Variants in ADAM9 observed in about 807,000 individuals in gnomAD.
The protein encoded by ADAM9 is ADAM metallopeptidase domain 9, also known as disintegrin and metalloproteinase domain-containing protein 9.
Under a neutral mutation model 108.1 loss-of-function variants are expected in ADAM9, and 54 were observed. That is an observed-to-expected ratio of 0.50 (90% CI 0.40 to 0.63). ADAM9 has a LOEUF of 0.63. Ranked by LOEUF, ADAM9 falls within the 20% of genes least tolerant of loss-of-function variation. ADAM9 has a pLI of 0.00. For synonymous variants in ADAM9, 316 were observed against 336.0 expected (o/e 0.94, Z 0.65); for missense variants, 830 against 997.7 (o/e 0.83, Z 2.26).
chr8:39,099,362 C>T (rs528375718), intron 20 of ADAM9, among the ~76,000 whole-genome samples: 2 of 152,236 alleles, frequency 1.3e-5, no homozygotes, highest in Admixed American at 1.3e-4. Flanking sequence ...ATGTTTCTTA[C>T]TTCCCACCAA....
At chr8:39,077,545 C>A in intron 16 of ADAM9, 134 bp downstream of exon 16, 1 of 886,148 alleles carries the variant, frequency 1.1e-6, no homozygotes, top group Non-Finnish European at 1.6e-6. Flanking sequence ...AAATACAAAG[C>A]CACCAAAAGA....
At chr8:39,077,768 A>G (rs113133275) in intron 16 of ADAM9, among the ~76,000 whole-genome samples, 2,269 of 152,300 alleles carry the variant, frequency 0.015, 31 homozygotes, top group Non-Finnish European at 0.025. Flanking sequence ...TGTCCTGCCC[A>G]TGTTCCTGAC....
At chr8:39,054,005 A>AGT (rs1395483085) in intron 12 of ADAM9, among the ~76,000 whole-genome samples, 2 of 152,146 alleles carry the variant, frequency 1.3e-5, no homozygotes, top group African/African-American at 4.8e-5. Context: ...CTGATCCACT[A>AGT]GGATCAGTGT....
chr8:39,029,639 T>A (rs1480125728), intron 11 of ADAM9, among the ~76,000 whole-genome samples: 1 of 152,234 alleles, frequency 6.6e-6, no homozygotes, highest in African/African-American at 2.4e-5. Flanking sequence ...CCTGTTGAGA[T>A]GATTATGTGA....
At chr8:39,040,123 CACT>C (rs920848000) in intron 11 of ADAM9, among the ~76,000 whole-genome samples, 123 of 152,268 alleles carry the variant, frequency 8.1e-4, no homozygotes, top group African/African-American at 2.9e-3. Flanking sequence ...AATCTCGGCT[CACT>C]ACAACCTCTG....
chr8:39,021,803 G>T, intron 8 of ADAM9, 89 bp downstream of exon 8: 1 of 1,150,978 alleles, frequency 8.7e-7, no homozygotes. Flanking sequence ...TTTGAGTTCT[G>T]ATTTTCATAG....
chr8:39,052,406 CTTAT>C (rs1028255148), intron 12 of ADAM9, among the ~76,000 whole-genome samples: 1 of 151,866 alleles, frequency 6.6e-6, no homozygotes, highest in African/African-American at 2.4e-5. Context: ...TTATTTATAG[CTTAT>C]TTAACTTTTC....
chr8:39,021,552 A>C lies in ADAM9; in HGVS notation c.673-91A>C, dbSNP rs1326388254. 4.3e-6 allele frequency: 5 copies of C among 1,171,378 alleles called. No homozygotes were observed. In the South Asian group the frequency reaches 6.1e-5, roughly 14 times the overall value. 72.6% of individuals were successfully genotyped at this position (1,171,378 alleles called of 1,614,324 possible). A position where few individuals can be genotyped will look rare whatever the true frequency, so the allele number is the denominator to read the frequency against. ...ACCCGCCTGGGCCTCTCAAAATGCT[A>C]GAATTACAGGCATGAGGTACTGCAC... On this transcript the variant is annotated intron_variant, in intron 7 of 21. Transcript: ENST00000487273.
intron 11 of ADAM9, among the ~76,000 whole-genome samples, chr8:39,041,009 C>T (rs1407511365): frequency 6.6e-6 from 1 of 152,032 alleles, no homozygotes; most frequent in Non-Finnish European, 1.5e-5. Flanking sequence ...AAGAAGAAAA[C>T]GTTGAGGAAA....
intron 11 of ADAM9, among the ~76,000 whole-genome samples, chr8:39,038,601 A>G (rs1837357781): frequency 6.6e-6 from 1 of 152,242 alleles, no homozygotes; most frequent in Non-Finnish European, 1.5e-5. Context: ...AATCATAATC[A>G]TAACCTTTAC....
chr8:39,012,260 C>T (rs536401401), intron 3 of ADAM9, among the ~76,000 whole-genome samples: 2 of 152,288 alleles, frequency 1.3e-5, no homozygotes, highest in Non-Finnish European at 2.9e-5. Context: ...CTGAAGGTAT[C>T]TTTCCTACTT....
chr8:39,075,261 A>G (rs1481975386), intron 15 of ADAM9, among the ~76,000 whole-genome samples: 3 of 152,206 alleles, frequency 2.0e-5, no homozygotes, highest in Non-Finnish European at 2.9e-5. Context: ...GAGAATGTTC[A>G]TAAGCAATGC....
intron 21 of ADAM9, 48 bp from the exon 22 acceptor site, chr8:39,103,559 T>C: frequency 6.4e-7 from 1 of 1,553,688 alleles, no homozygotes; most frequent in Non-Finnish European, 8.9e-7. Context: ...TATGGCATTA[T>C]TTCACCCAGT....
intron 9 of ADAM9, among the ~76,000 whole-genome samples, chr8:39,025,378 T>C (rs1409710643): frequency 6.6e-6 from 1 of 152,218 alleles, no homozygotes; most frequent in Non-Finnish European, 1.5e-5. Flanking sequence ...ATTACAGGCA[T>C]GAGCCACCAC....
chr8:39,048,675 A>T (rs1375989449), intron 12 of ADAM9, among the ~76,000 whole-genome samples: 3 of 152,150 alleles, frequency 2.0e-5, no homozygotes, highest in Non-Finnish European at 4.4e-5. Context: ...GCAGTCTTGA[A>T]GTTTCTTACT....
At chr8:39,068,585 G>C (rs1313684065) in intron 14 of ADAM9, among the ~76,000 whole-genome samples, 1 of 145,126 alleles carries the variant, frequency 6.9e-6, no homozygotes, top group Non-Finnish European at 1.5e-5. Flanking sequence ...TGAGGCAGGA[G>C]AATCGCTTGA....
intron 12 of ADAM9, among the ~76,000 whole-genome samples, chr8:39,051,442 T>C (rs1837955854): frequency 6.6e-6 from 1 of 152,246 alleles, no homozygotes; most frequent in South Asian, 2.1e-4. Context: ...GTTGAATTGC[T>C]GACTTTTTAT....
intron 1 of ADAM9, among the ~76,000 whole-genome samples, chr8:39,004,916 C>T (rs1024061479): frequency 9.2e-5 from 14 of 152,144 alleles, no homozygotes; most frequent in African/African-American, 1.7e-4. Flanking sequence ...GCTTCTTTAC[C>T]GCAAACTGTT....
At position 39,098,094 on chromosome 8, in the gene ADAM9, A is replaced by C. The variant is rs1839567332; in HGVS notation, c.2299-3769A>C. Among the ~76,000 whole-genome samples, 3 of 151,672 alleles carry C rather than the reference A, an allele frequency of 2.0e-5. No individual in the cohort carries two copies. The South Asian group carries it at 6.2e-4, about 31-fold the overall frequency. ...TTCTGTCAGTTTTTGTCTTTTCCGG[A>C]TGTTTTTGGCTGACAGCTTTTTTTT... On this transcript the variant is annotated intron_variant, in intron 20 of 21. Transcript: ENST00000487273.
Sources: gnomAD v4.1 joint callset for allele counts (sites outside exome capture counted in the v4.1 genomes callset) on GRCh38, gnomAD v4.1.1 for gene constraint, MANE v1.5 for transcripts, NCBI Gene and HGNC (gene_info 2026-07-23, HGNC 2026-07-21) for gene names.